MEF2A: variants seen among roughly 807,000 people sequenced by gnomAD.
MEF2A encodes the protein myocyte enhancer factor 2A, also known as myocyte-specific enhancer factor 2A.
In MEF2A, 28 loss-of-function variants were observed where a neutral mutation model predicts 55.8. That is an observed-to-expected ratio of 0.50 (90% CI 0.37 to 0.69). The LOEUF is 0.69. Ranked by LOEUF, MEF2A falls within the 30% of genes least tolerant of loss-of-function variation. MEF2A has a pLI of 0.00. For synonymous variants in MEF2A, 239 were observed against 227.1 expected (o/e 1.05, Z -0.47); for missense variants, 528 against 626.2 (o/e 0.84, Z 1.67).
At position 99,690,309 on chromosome 15, in the gene MEF2A, A is replaced by G. The variant is rs1313179108; in HGVS notation, c.739A>G (p.Lys247Glu). ...IGATGANSLG[K>E]VMPTKSPPPP... ...AGCTACTGGTGCAAATAGCTTAGGCAAAGTCATGCCTACAAAGTCTCCCCC... is the reference window on the plus strand; with the variant it reads ...AGCTACTGGTGCAAATAGCTTAGGCGAAGTCATGCCTACAAAGTCTCCCCC... Residue 247 changes from lysine to glutamate, a missense_variant, in exon 8 of 12, where the codon AAA becomes GAA. By Grantham distance (56) the Lys-to-Glu change is moderately conservative. Around this residue, in one of 2 missense-constraint regions of MEF2A, gnomAD observed 450 missense variants for 475.3 expected, o/e 0.95. Coordinates refer to ENST00000557942, the MANE Select transcript of MEF2A (RefSeq NM_001319206.4). The G allele has an allele frequency of 1.2e-6, 2 of 1,613,726 alleles. No individual in the cohort carries two copies. The highest frequency in any genetic ancestry group is 1.7e-5 in the Admixed American group (1 of 60,002).
intron 2 of MEF2A, among the ~76,000 whole-genome samples, chr15:99,626,721 C>T (rs1008618080): frequency 6.6e-6 from 1 of 152,140 alleles, no homozygotes; most frequent in African/African-American, 2.4e-5. Flanking sequence ...TCAGTCTGTA[C>T]ATGAATTTGG....
intron 1 of MEF2A, among the ~76,000 whole-genome samples, chr15:99,589,132 A>G (rs1596314727): frequency 1.3e-5 from 2 of 152,318 alleles, no homozygotes; most frequent in East Asian, 1.9e-4. Flanking sequence ...GATTGTGTAC[A>G]GCTGATATTA....
At chr15:99,675,520 T>A in intron 7 of MEF2A, 62 bp downstream of exon 7, 1 of 1,400,894 alleles carries the variant, frequency 7.1e-7, no homozygotes, top group African/African-American at 1.4e-5. Context: ...CAAAGGAATG[T>A]TGTTCCTGAA....
chr15:99,698,769 G>A (rs1462829165), intron 8 of MEF2A, among the ~76,000 whole-genome samples: 1 of 151,712 alleles, frequency 6.6e-6, no homozygotes, highest in Non-Finnish European at 1.5e-5. Flanking sequence ...TCCAGCCTGG[G>A]CAACAAGAGT....
At position 99,623,810 on chromosome 15, in the gene MEF2A, T is replaced by G. The variant is rs1486805116; in HGVS notation, c.-142-9168T>G. 7.2e-5 allele frequency among the ~76,000 whole-genome samples: 11 copies of G among 152,174 alleles called. No individual in the cohort carries two copies. The South Asian group carries it at 1.9e-3, about 26-fold the overall frequency. ...TATCAAATATATGATCTGCCGTTTT[T>G]TTTTTTTTTTAATTGAGACGGGGTT... On this transcript the variant is annotated intron_variant, in intron 2 of 11. Transcript: ENST00000557942.
rs1313684712 is a variant in MEF2A at position 99,716,427 on chromosome 15, G to T, written c.*3656G>T. On this transcript the variant is annotated 3_prime_UTR_variant, in exon 12 of 12. Transcript: ENST00000557942. ...TCAAATGGTGAAGACAATGCTAAAG[G>T]TTGTTGTAAACTGTTTGTCTCCCGC... is the stretch of plus-strand genomic sequence containing the variant. 1 of 442,520 alleles carries T rather than the reference G, an allele frequency of 2.3e-6. No homozygotes were observed. Among genetic ancestry groups the T allele is most frequent in the Admixed American group, 2.4e-5 (1 of 41,718 alleles). 27.4% of individuals were successfully genotyped at this position (442,520 alleles called of 1,614,324 possible).
chr15:99,581,336 C>T (rs1965849724), intron 1 of MEF2A, among the ~76,000 whole-genome samples: 6 of 151,940 alleles, frequency 3.9e-5, no homozygotes, highest in Non-Finnish European at 7.4e-5. Flanking sequence ...TGGAGTTATC[C>T]ACATGGCTTT....
Position 99,712,536 on chromosome 15 carries a change from A to AGCAGCAGCAGCC in MEF2A, c.1285_1286insAGCAGCAGCCGC (p.Gln428_Pro429insGlnGlnGlnPro). 2 of 1,380,092 alleles carry AGCAGCAGCAGCC rather than the reference A, an allele frequency of 1.4e-6. No homozygotes were observed. Among genetic ancestry groups the AGCAGCAGCAGCC allele is most frequent in the African/African-American group, 1.5e-5 (1 of 67,138 alleles). The allele number at this position is 1,380,092 out of a possible 1,614,324, so 85.5% of individuals were successfully genotyped here. A position where few individuals can be genotyped will look rare whatever the true frequency, so the allele number is the denominator to read the frequency against. On this transcript the variant is annotated inframe_insertion, in exon 12 of 12. Transcript: ENST00000557942. This position sits in a 1 kb window ranked among gnomAD's most constrained non-coding sequence, Gnocchi z 4.1. ...CAGCAGCAGCAGCAGCAGCAGCAGC[A>AGCAGCAGCAGCC]GCCGCCGCCACCACCGCAGCCCCAG...
In MEF2A at chr15:99,715,613, G is replaced by A. The variant is rs1352570837; in HGVS notation, c.*2842G>A. 3 of 152,290 alleles carry A rather than the reference G, an allele frequency of 2.0e-5. No individual in the cohort carries two copies. Among genetic ancestry groups the A allele is most frequent in the African/African-American group, 7.2e-5 (3 of 41,546 alleles). The allele number at this position is 152,290 out of a possible 1,614,324, so 9.4% of individuals were successfully genotyped here. On this transcript the variant is annotated 3_prime_UTR_variant, in exon 12 of 12. Coordinates refer to ENST00000557942, the MANE Select transcript of MEF2A (RefSeq NM_001319206.4). The stretch of plus-strand genomic sequence containing the variant: ...TGGGTGGAAACCAGCCTAGAGAGGG[G>A]ACGACGCTAATGGTGTTGCTTTAGA...
chr15:99,705,351 A>T (rs2057907071), intron 9 of MEF2A, among the ~76,000 whole-genome samples: 2 of 152,196 alleles, frequency 1.3e-5, no homozygotes. Flanking sequence ...GACAATAAGG[A>T]TATTATCTTA....
intron 6 of MEF2A, among the ~76,000 whole-genome samples, chr15:99,675,183 C>T (rs749418593): frequency 1.3e-5 from 2 of 152,016 alleles, no homozygotes; most frequent in Non-Finnish European, 2.9e-5. Context: ...GTATTGAAGG[C>T]GACATCAAGC....
rs188848283 is a variant in MEF2A, at chr15:99,683,220, A to G, written c.671-7021A>G. Among the ~76,000 whole-genome samples the G allele has an allele frequency of 2.4e-4, 36 of 152,284 alleles. 2 individuals carry two copies. The highest frequency in any genetic ancestry group is 1.9e-3 in the Admixed American group (29 of 15,290). The stretch of plus-strand genomic sequence containing the variant: ...GAAAGGATTTAATTCATACCCCTTC[A>G]AGATAATGAAAGCAGAATGCAGGAA... On this transcript the variant is annotated intron_variant, in intron 7 of 11. Coordinates refer to ENST00000557942, the MANE Select transcript of MEF2A (RefSeq NM_001319206.4).
intron 1 of MEF2A, among the ~76,000 whole-genome samples, chr15:99,578,729 T>C (rs1965075975): frequency 6.6e-6 from 1 of 152,216 alleles, no homozygotes; most frequent in Non-Finnish European, 1.5e-5. Flanking sequence ...TATGTATGCA[T>C]AATCATGCAA....
Position 99,671,913 on chromosome 15 carries a change from G to A in MEF2A, c.390+459G>A, listed in dbSNP as rs80277527. Among the ~76,000 whole-genome samples, 1,207 of 152,238 alleles carry A rather than the reference G, an allele frequency of 7.9e-3. 35 individuals are homozygous for A. Among genetic ancestry groups the A allele is most frequent in the East Asian group, 0.073 (377 of 5,188 alleles). On this transcript the variant is annotated intron_variant, in intron 5 of 11. Coordinates refer to ENST00000557942, the MANE Select transcript of MEF2A (RefSeq NM_001319206.4). ...TCTTACCCCAATACCTTTGGATAGG[G>A]CACCTAAACATTTTGAATTCTTTCT...
At chr15:99,626,399 T>C (rs2042056232) in intron 2 of MEF2A, among the ~76,000 whole-genome samples, 1 of 152,184 alleles carries the variant, frequency 6.6e-6, no homozygotes, top group Non-Finnish European at 1.5e-5. Context: ...ATTTTGTTAA[T>C]CGTTTTGAAG....
intron 4 of MEF2A, among the ~76,000 whole-genome samples, chr15:99,655,221 A>C (rs1362492805): frequency 1.3e-5 from 2 of 152,184 alleles, no homozygotes; most frequent in Admixed American, 6.6e-5. Flanking sequence ...CCACATATAC[A>C]TGGTTAATTG....
chr15:99,703,208 G>A (rs886812223), intron 8 of MEF2A, among the ~76,000 whole-genome samples, 154 bp from the exon 9 acceptor site: 3 of 152,186 alleles, frequency 2.0e-5, no homozygotes, highest in Admixed American at 2.0e-4. Context: ...GTAGAGACAA[G>A]TAATTTATAT....
intron 2 of MEF2A, among the ~76,000 whole-genome samples, chr15:99,620,623 A>G (rs889021777): frequency 5.3e-5 from 8 of 152,162 alleles, no homozygotes; most frequent in African/African-American, 1.9e-4. Context: ...TGTCTTTGCT[A>G]TCATGACTAG....
chr15:99,615,529 C>T (rs759584794), intron 2 of MEF2A, among the ~76,000 whole-genome samples: 13 of 152,150 alleles, frequency 8.5e-5, no homozygotes, highest in African/African-American at 9.7e-5. Context: ...TTAATCTTTA[C>T]AAGTTTATGA....
Sources: gnomAD v4.1 joint callset for allele counts (sites outside exome capture counted in the v4.1 genomes callset) on GRCh38, gnomAD v4.1.1 for gene constraint, gnomAD v4.1.1 regional missense constraint, Gnocchi (gnomAD v3.1) non-coding constraint, MANE v1.5 for transcripts, NCBI Gene and HGNC (gene_info 2026-07-23, HGNC 2026-07-21) for gene names.